Variants in PALS2 observed in about 807,000 individuals in gnomAD.
The protein encoded by PALS2 is protein PALS2.
In PALS2, 27 loss-of-function variants were observed where a neutral mutation model predicts 61.6. The ratio of observed to expected loss-of-function variants is 0.44; its 90% CI spans 0.32 to 0.60. PALS2 has a LOEUF of 0.60. Among genes scored for constraint, PALS2 ranks in the 20% least tolerant of loss-of-function variants. The pLI is 0.05. For missense variants in PALS2, 554 were observed against 639.4 expected (o/e 0.87, Z 1.44); for synonymous variants, 236 against 218.6 (o/e 1.08, Z -0.70).
intron 1 of PALS2, chr7:24,620,137 A>G (rs1289227654): frequency 1.3e-5 from 2 of 152,226 alleles, no homozygotes; most frequent in African/African-American, 2.4e-5. Context: ...AACAAAGGAC[A>G]GCCATTTCCA....
chr7:24,657,376 G>A (rs1187209437), intron 5 of PALS2, among the ~76,000 whole-genome samples: 1 of 152,108 alleles, frequency 6.6e-6, no homozygotes, highest in Non-Finnish European at 1.5e-5. Flanking sequence ...GCAACATGTG[G>A]TATGGTCAGT....
chr7:24,589,138 T>G (rs1783185416), intron 1 of PALS2: 1 of 152,102 alleles, frequency 6.6e-6, no homozygotes, highest in African/African-American at 2.4e-5. Flanking sequence ...GATCTTCTTT[T>G]AGTAGATACT....
At chr7:24,663,810 G>C in intron 6 of PALS2, 89 bp downstream of exon 6, 1 of 1,420,814 alleles carries the variant, frequency 7.0e-7, no homozygotes, top group South Asian at 1.2e-5. Context: ...AAGAATATTA[G>C]CATTTGTTAC....
At chr7:24,676,008 A>G (rs1314299761) in intron 9 of PALS2, among the ~76,000 whole-genome samples, 3 of 149,716 alleles carry the variant, frequency 2.0e-5, no homozygotes, top group Non-Finnish European at 4.4e-5. Context: ...AGTCCCACCA[A>G]CAGTGTAAAA....
In PALS2 at chr7:24,647,853, G is replaced by A. The variant is rs147632379; in HGVS notation, c.271-1759G>A. On this transcript the variant is annotated intron_variant, in intron 3 of 11. Transcript: ENST00000222644. ...CCCTACTTTTGATTTTCAAATTGCC[G>A]TGACTTTGACGAGTTGTGGGCAAAT... 4.6e-4 allele frequency among the ~76,000 whole-genome samples: 70 copies of A among 152,118 alleles called. 1 individual carries two copies. The highest frequency in any genetic ancestry group is 3.4e-3 in the Middle Eastern group (1 of 294).
chr7:24,665,350 G>T (rs1484684482), intron 6 of PALS2, among the ~76,000 whole-genome samples: 1 of 152,098 alleles, frequency 6.6e-6, no homozygotes, highest in Admixed American at 6.6e-5. Context: ...AATTTAATTT[G>T]TATTTTGGTC....
rs533081492 is a variant in PALS2 at position 24,692,076 on chromosome 7, C to G, written c.*4462C>G. 65 of 152,106 alleles carry G rather than the reference C, an allele frequency of 4.3e-4. 1 individual carries two copies. The highest frequency in any genetic ancestry group is 3.4e-3 in the Middle Eastern group (1 of 294). The allele number at this position is 152,106 out of a possible 1,614,324, so 9.4% of individuals were successfully genotyped here. A position where few individuals can be genotyped will look rare whatever the true frequency, so the allele number is the denominator to read the frequency against. On this transcript the variant is annotated 3_prime_UTR_variant, in exon 12 of 12. Transcript: ENST00000222644. ...GTTCTAACGTTTTGCAATTTATATT[C>G]TTTTTAAAATATTTCCCATAATTCA...
chr7:24,671,993 C>A (rs1010237256), intron 9 of PALS2, among the ~76,000 whole-genome samples: 21 of 151,336 alleles, frequency 1.4e-4, no homozygotes, highest in African/African-American at 5.1e-4. Context: ...CTTGTTCTTT[C>A]TTTTTCAGCT....
chr7:24,591,085 A>G (rs1376082267), intron 1 of PALS2, among the ~76,000 whole-genome samples: 2 of 151,920 alleles, frequency 1.3e-5, no homozygotes, highest in South Asian at 2.1e-4. Context: ...TTAAAATTAC[A>G]TACCTGTTTT....
chr7:24,630,616 T>C (rs1439844994), intron 2 of PALS2, among the ~76,000 whole-genome samples: 6 of 152,178 alleles, frequency 3.9e-5, no homozygotes, highest in Non-Finnish European at 4.4e-5. Context: ...TGGAAGAACA[T>C]CTAGAGCTTT....
intron 1 of PALS2, chr7:24,574,066 G>T (rs1373018348): frequency 6.6e-6 from 1 of 152,336 alleles, no homozygotes; most frequent in Non-Finnish European, 1.5e-5. Context: ...GCGTTGCTGT[G>T]ACTGACACCT....
In PALS2 at chr7:24,573,573, A is replaced by C. The variant is rs924582539; in HGVS notation, c.-23A>C. 2 of 378,604 alleles carry C rather than the reference A, an allele frequency of 5.3e-6. No homozygotes were observed. Among genetic ancestry groups the C allele is most frequent in the African/African-American group, 4.4e-5 (2 of 45,898 alleles). 23.5% of individuals were successfully genotyped at this position (378,604 alleles called of 1,614,324 possible). ...GGGAGCGGCGGCAGCGGCGGCGCGG[A>C]GGCGGCTGAGGTGCGAGCCGGTGAG... is the stretch of plus-strand genomic sequence containing the variant. On this transcript the variant is annotated 5_prime_UTR_variant, in exon 1 of 12. Transcript: ENST00000222644. This position sits in a 1 kb window ranked among gnomAD's most constrained non-coding sequence, Gnocchi z 5.3.
intron 9 of PALS2, among the ~76,000 whole-genome samples, chr7:24,672,657 T>C (rs140418752): frequency 7.8e-4 from 119 of 152,356 alleles, no homozygotes; most frequent in South Asian, 2.7e-3. Flanking sequence ...TTTTTTTCTT[T>C]TTTATTCTGT....
At chr7:24,671,989 C>T (rs979584521) in intron 9 of PALS2, among the ~76,000 whole-genome samples, 3 of 151,420 alleles carry the variant, frequency 2.0e-5, no homozygotes, top group Non-Finnish European at 2.9e-5. Flanking sequence ...CCAACTTGTT[C>T]TTTCTTTTTC....
chr7:24,588,026 G>A (rs997667152), intron 1 of PALS2, among the ~76,000 whole-genome samples: 7 of 152,210 alleles, frequency 4.6e-5, no homozygotes, highest in African/African-American at 1.4e-4. Context: ...CACACCTGGG[G>A]TGGGGTGCTA....
chr7:24,667,479 A>G (rs567844098), intron 8 of PALS2, among the ~76,000 whole-genome samples: 1 of 152,074 alleles, frequency 6.6e-6, no homozygotes, highest in Non-Finnish European at 1.5e-5. Context: ...TACTTAAGCA[A>G]CCACGCTAGG....
At chr7:24,621,476 T>C (rs911466429) in intron 1 of PALS2, among the ~76,000 whole-genome samples, 3 of 152,066 alleles carry the variant, frequency 2.0e-5, no homozygotes, top group African/African-American at 7.2e-5. Context: ...TTTTTAAAAA[T>C]TGAGAGTCTG....
At chr7:24,608,406 T>C (rs761849638) in intron 1 of PALS2, among the ~76,000 whole-genome samples, 13 of 152,138 alleles carry the variant, frequency 8.5e-5, no homozygotes, top group Non-Finnish European at 1.5e-4. Context: ...CTTCTATTAC[T>C]TCTTCAACTA....
intron 5 of PALS2, among the ~76,000 whole-genome samples, chr7:24,658,723 A>ATT (rs1012831393): frequency 6.9e-6 from 1 of 144,682 alleles, no homozygotes; most frequent in Non-Finnish European, 1.5e-5. Context: ...GGCCAAGCTA[A>ATT]TTTTTTTTTT....
Sources: allele counts gnomAD v4.1 joint callset (sites outside exome capture counted in the v4.1 genomes callset), GRCh38; gene constraint gnomAD v4.1.1; non-coding constraint Gnocchi (gnomAD v3.1); transcripts MANE v1.5; gene names NCBI Gene and HGNC (gene_info 2026-07-23, HGNC 2026-07-21).